ARHGAP15: variants seen among roughly 807,000 people sequenced by gnomAD.
ARHGAP15 encodes the protein rho GTPase-activating protein 15.
Under a neutral mutation model 63.7 loss-of-function variants are expected in ARHGAP15, and 51 were observed. The observed-to-expected ratio is 0.80, with a 90% confidence interval of 0.64 to 1.01. ARHGAP15 has a LOEUF of 1.01. Among genes scored for constraint, ARHGAP15 ranks in the 50% least tolerant of loss-of-function variants. The pLI, the probability that ARHGAP15 is intolerant of heterozygous loss-of-function variation, is 0.00. For synonymous variants in ARHGAP15, 191 were observed against 193.8 expected (o/e 0.99, Z 0.12); for missense variants, 560 against 564.6 (o/e 0.99, Z 0.08).
chr2:143,238,312 T>C (rs1043424435), intron 5 of ARHGAP15: 1 of 152,076 alleles, frequency 6.6e-6, no homozygotes, highest in Non-Finnish European at 1.5e-5. Context: ...AAAATTCTAA[T>C]ATCCAGAGTC....
chr2:143,137,320 A>G (rs1689186468), intron 1 of ARHGAP15, among the ~76,000 whole-genome samples: 2 of 152,196 alleles, frequency 1.3e-5, no homozygotes, highest in African/African-American at 2.4e-5. Flanking sequence ...TGATAATATC[A>G]ATAAATATTT....
Position 143,499,385 on chromosome 2 carries a change from A to G in ARHGAP15, c.826+11890A>G, listed in dbSNP as rs1692956796. 3.3e-5 allele frequency among the ~76,000 whole-genome samples: 5 copies of G among 152,192 alleles called. No individual in the cohort carries two copies. The South Asian group carries it at 1.0e-3, about 31-fold the overall frequency. On this transcript the variant is annotated intron_variant, in intron 9 of 13. Transcript: ENST00000295095. ...GAGTTTCATTGGTTTTAAATTGATA[A>G]CAGCTGAAAGAGTGAATGATTAAAG...
At chr2:143,150,679 T>C (rs1375604355) in intron 1 of ARHGAP15, among the ~76,000 whole-genome samples, 2 of 152,014 alleles carry the variant, frequency 1.3e-5, no homozygotes, top group Non-Finnish European at 2.9e-5. Flanking sequence ...CTCAAACACA[T>C]GCAAAATGAG....
intron 9 of ARHGAP15, among the ~76,000 whole-genome samples, chr2:143,508,535 A>G (rs1040320215): frequency 3.3e-5 from 5 of 152,218 alleles, no homozygotes; most frequent in Non-Finnish European, 7.3e-5. Flanking sequence ...GGTTAGATTC[A>G]ATGGATAAAT....
At position 143,465,684 on chromosome 2, in the gene ARHGAP15, T is replaced by C. The variant is rs370582534; in HGVS notation, c.704-21689T>C. On this transcript the variant is annotated intron_variant, in intron 8 of 13. Transcript: ENST00000295095. ...AATACTTGAAAACATAATTACCTTT[T>C]AGATGCTAATAAAGCAAGAAAAATA... 1.8e-4 allele frequency among the ~76,000 whole-genome samples: 25 copies of C among 137,874 alleles called. 1 individual carries two copies. The South Asian group carries it at 2.0e-3, about 11-fold the overall frequency. 90.5% of individuals were successfully genotyped at this position (137,874 alleles called of 152,430 possible). A position where few individuals can be genotyped will look rare whatever the true frequency, so the allele number is the denominator to read the frequency against.
chr2:143,250,601 G>C lies in ARHGAP15; in HGVS notation c.474+1G>C. 6.2e-7 allele frequency: 1 copy of C among 1,610,254 alleles called. No individual in the cohort carries two copies. Among genetic ancestry groups the C allele is most frequent in the Non-Finnish European group, 8.5e-7 (1 of 1,176,868 alleles). ...ATCGAGCAGAAAGAATGTCTTTCAG[G>C]TAAGAATGTTACATATATTCAATTT... On this transcript the variant is annotated splice_donor_variant, in intron 6 of 13. Transcript: ENST00000295095. LOFTEE classifies it high-confidence loss of function.
At chr2:143,218,305 T>G (rs1692847083) in intron 4 of ARHGAP15, among the ~76,000 whole-genome samples, 2 of 131,118 alleles carry the variant, frequency 1.5e-5, no homozygotes, top group African/African-American at 2.8e-5. Flanking sequence ...TTTTTGTTGC[T>G]GCTGTTGTTG....
At chr2:143,656,223 A>C (rs1022365198) in intron 12 of ARHGAP15, 1 of 152,244 alleles carries the variant, frequency 6.6e-6, no homozygotes, top group African/African-American at 2.4e-5. Flanking sequence ...TGAAAGTGTC[A>C]ACATAAATAA....
chr2:143,637,184 G>A (rs1354995436), intron 12 of ARHGAP15, among the ~76,000 whole-genome samples: 2 of 152,090 alleles, frequency 1.3e-5, no homozygotes, highest in Admixed American at 6.6e-5. Flanking sequence ...GACACATTCA[G>A]TGAATAAGAG....
intron 6 of ARHGAP15, among the ~76,000 whole-genome samples, chr2:143,272,318 ACTTTTT>A (rs1372017400): frequency 6.6e-6 from 1 of 152,032 alleles, no homozygotes; most frequent in African/African-American, 2.4e-5. Flanking sequence ...TAACATCCAT[ACTTTTT>A]CTTCATTGAA....
chr2:143,617,353 A>G (rs1006687656), intron 11 of ARHGAP15, among the ~76,000 whole-genome samples: 41 of 152,314 alleles, frequency 2.7e-4, no homozygotes, highest in African/African-American at 9.1e-4. Flanking sequence ...CTAAAGTACC[A>G]CAGACTGGGT....
chr2:143,215,753 A>G (rs949200137), intron 3 of ARHGAP15, among the ~76,000 whole-genome samples: 3 of 152,232 alleles, frequency 2.0e-5, no homozygotes, highest in Non-Finnish European at 4.4e-5. Flanking sequence ...GCGGAGTTAT[A>G]ATGACTTGTT....
At chr2:143,635,065 C>A (rs952643285) in intron 12 of ARHGAP15, among the ~76,000 whole-genome samples, 1 of 152,024 alleles carries the variant, frequency 6.6e-6, no homozygotes, top group Non-Finnish European at 1.5e-5. Context: ...CAGACACACA[C>A]ACACACGTTC....
chr2:143,422,755 C>A (rs1688978038), intron 6 of ARHGAP15, among the ~76,000 whole-genome samples: 1 of 152,028 alleles, frequency 6.6e-6, no homozygotes, highest in Non-Finnish European at 1.5e-5. Context: ...CAATGAGGAT[C>A]AGGGAGATGC....
intron 5 of ARHGAP15, chr2:143,235,798 T>G: frequency 1.1e-6 from 1 of 875,214 alleles, no homozygotes; most frequent in Non-Finnish European, 1.6e-6. Context: ...GAGTTGTCTG[T>G]TTGATTTATC....
chr2:143,448,456 C>T (rs1458118264), intron 8 of ARHGAP15, among the ~76,000 whole-genome samples: 1 of 151,910 alleles, frequency 6.6e-6, no homozygotes, highest in Non-Finnish European at 1.5e-5. Flanking sequence ...ATTCAGAGAT[C>T]AGAGGTAAGG....
intron 2 of ARHGAP15, among the ~76,000 whole-genome samples, chr2:143,158,409 T>A (rs554506391): frequency 8.6e-5 from 13 of 151,938 alleles, no homozygotes; most frequent in Non-Finnish European, 1.9e-4. Flanking sequence ...ACTTGCTAAG[T>A]TAGAAATTTT....
chr2:143,391,071 T>C (rs1687518279), intron 6 of ARHGAP15, among the ~76,000 whole-genome samples: 1 of 152,102 alleles, frequency 6.6e-6, no homozygotes, highest in South Asian at 2.1e-4. Flanking sequence ...CGGTAGAATA[T>C]AAAAGGTAAA....
intron 6 of ARHGAP15, among the ~76,000 whole-genome samples, chr2:143,290,742 G>A (rs191778024): frequency 5.7e-4 from 87 of 152,152 alleles, no homozygotes; most frequent in Non-Finnish European, 1.0e-3. Context: ...TGAACTGTTT[G>A]GGGTAATCAT....
Sources: gnomAD v4.1 joint callset for allele counts (sites outside exome capture counted in the v4.1 genomes callset) on GRCh38, gnomAD v4.1.1 for gene constraint, MANE v1.5 for transcripts, NCBI Gene and HGNC (gene_info 2026-07-23, HGNC 2026-07-21) for gene names.